DAPK1: variants seen among roughly 807,000 people sequenced by gnomAD.
DAPK1 encodes death associated protein kinase 1, also known as death-associated protein kinase 1.
DAPK1 carries 56 observed loss-of-function variants against 144.9 expected under a neutral mutation model. The ratio of observed to expected loss-of-function variants is 0.39; its 90% CI spans 0.31 to 0.48. The LOEUF (loss-of-function observed/expected upper bound fraction) is 0.48, where lower values mean the gene tolerates loss of function less well. Ranked by LOEUF, DAPK1 falls within the 20% of genes least tolerant of loss-of-function variation. The pLI is 0.95. For synonymous variants in DAPK1, 690 were observed against 749.0 expected, an observed-to-expected ratio of 0.92 and a Z score of 1.29; for missense variants, 1,454 against 1,875.4, an observed-to-expected ratio of 0.78 and a Z score of 4.15.
chr9:87,597,757 C>T (rs36206540), intron 2 of DAPK1, among the ~76,000 whole-genome samples: 4,203 of 152,162 alleles, frequency 0.028, 204 homozygotes, highest in African/African-American at 0.096. Context: ...TCTGACCTGA[C>T]GCCTCCCTGC....
chr9:87,657,521 T>C (rs1830669633), intron 17 of DAPK1: 1 of 165,844 alleles, frequency 6.0e-6, no homozygotes, highest in Non-Finnish European at 1.3e-5. Context: ...CAGAACCATG[T>C]TTCTTATCAA....
intron 2 of DAPK1, among the ~76,000 whole-genome samples, chr9:87,542,481 T>C (rs746002066): frequency 1.1e-4 from 16 of 152,340 alleles, no homozygotes; most frequent in Admixed American, 2.0e-4. Flanking sequence ...GTAACCAGCA[T>C]GCACATCATT....
chr9:87,600,562 C>T (rs1038001145), intron 2 of DAPK1, among the ~76,000 whole-genome samples: 1 of 152,122 alleles, frequency 6.6e-6, no homozygotes, highest in African/African-American at 2.4e-5. Context: ...CACCACACTA[C>T]AGCCTGCGCG....
At position 87,662,560 on chromosome 9, in the gene DAPK1, G is replaced by GTTTTTTTTTTTTT. The variant is rs71507734; in HGVS notation, c.1923+4446_1923+4458dup. Reference sequence around the variant, plus strand: ...ACCTCCTTGGTTAAATATATTCCTAGTTTTTTTTTTTTTTTTTTTTTTTTT... The same window carrying GTTTTTTTTTTTTT: ...ACCTCCTTGGTTAAATATATTCCTAGTTTTTTTTTTTTTTTTTTTTTTTTTTTTTTTTTTTTTT... On this transcript the variant is annotated intron_variant, in intron 18 of 25. Coordinates refer to ENST00000408954, the MANE Select transcript of DAPK1 (RefSeq NM_004938.4). Among the ~76,000 whole-genome samples the GTTTTTTTTTTTTT allele has an allele frequency of 8.1e-4, 26 of 32,128 alleles. 4 individuals carry two copies. Among genetic ancestry groups the GTTTTTTTTTTTTT allele is most frequent in the East Asian group, 3.7e-3 (4 of 1,080 alleles). The allele number at this position is 32,128 out of a possible 152,430, so 21.1% of individuals were successfully genotyped here. A position where few individuals can be genotyped will look rare whatever the true frequency, so the allele number is the denominator to read the frequency against.
chr9:87,540,683 A>G (rs1826019618), intron 2 of DAPK1, among the ~76,000 whole-genome samples: 1 of 152,236 alleles, frequency 6.6e-6, no homozygotes, highest in African/African-American at 2.4e-5. Context: ...CTGTGAAATC[A>G]GTCTGCCAAG....
At chr9:87,628,441 A>G (rs745530032) in intron 3 of DAPK1, among the ~76,000 whole-genome samples, 3 of 152,214 alleles carry the variant, frequency 2.0e-5, no homozygotes, top group Non-Finnish European at 4.4e-5. Context: ...CTCCGGTTCG[A>G]CAAATGCAGA....
At chr9:87,518,498 T>C (rs1312812654) in intron 2 of DAPK1, among the ~76,000 whole-genome samples, 1 of 152,094 alleles carries the variant, frequency 6.6e-6, no homozygotes, top group African/African-American at 2.4e-5. Context: ...ATCTCATTGA[T>C]GTCGGCCAGT....
intron 24 of DAPK1, chr9:87,701,899 G>A (rs775717100): frequency 1.7e-5 from 8 of 470,104 alleles, no homozygotes; most frequent in South Asian, 6.2e-5. Context: ...TCAGAAGATA[G>A]GGGGTAGTCC....
intron 2 of DAPK1, among the ~76,000 whole-genome samples, chr9:87,539,353 C>T (rs1825961671): frequency 1.3e-5 from 2 of 151,800 alleles, no homozygotes; most frequent in African/African-American, 4.8e-5. Flanking sequence ...CTTAAAGTTA[C>T]CCACATTTAA....
intron 2 of DAPK1, among the ~76,000 whole-genome samples, chr9:87,591,237 G>A (rs1467857156): frequency 6.6e-6 from 1 of 152,170 alleles, no homozygotes; most frequent in Non-Finnish European, 1.5e-5. Context: ...GAAATACACC[G>A]ATTGTCCCTT....
At chr9:87,615,875 G>C in intron 3 of DAPK1, among the ~76,000 whole-genome samples, 1 of 152,370 alleles carries the variant, frequency 6.6e-6, no homozygotes, top group South Asian at 2.1e-4. Context: ...TAGCCTCTTG[G>C]AGAGAGAATT....
chr9:87,663,590 G>C (rs1369683800), intron 18 of DAPK1, among the ~76,000 whole-genome samples: 1 of 152,050 alleles, frequency 6.6e-6, no homozygotes, highest in Non-Finnish European at 1.5e-5. Flanking sequence ...AAGTCCCCGC[G>C]TCCTGCTTCT....
In DAPK1 at chr9:87,508,311, C is replaced by T. The variant is rs555902419; in HGVS notation, c.62+9172C>T. Among the ~76,000 whole-genome samples, 155 of 151,622 alleles carry T rather than the reference C, an allele frequency of 1.0e-3. 1 individual carries two copies. Among genetic ancestry groups the T allele is most frequent in the African/African-American group, 3.5e-3 (144 of 41,272 alleles). On this transcript the variant is annotated intron_variant, in intron 2 of 25. Coordinates refer to ENST00000408954, the MANE Select transcript of DAPK1 (RefSeq NM_004938.4). ...ACAGGTGTGAGTCGCCGCACTGGTCCAACTTTTCCTTTTCACCTTAGAAAG... is the reference window on the plus strand; with the variant it reads ...ACAGGTGTGAGTCGCCGCACTGGTCTAACTTTTCCTTTTCACCTTAGAAAG...
intron 2 of DAPK1, among the ~76,000 whole-genome samples, chr9:87,522,770 G>T (rs565580885): frequency 9.2e-5 from 14 of 152,314 alleles, no homozygotes; most frequent in Non-Finnish European, 1.6e-4. Context: ...AAGCTGGCTG[G>T]CTTCTTTCGC....
chr9:87,500,976 T>G (rs1824367741), intron 2 of DAPK1, among the ~76,000 whole-genome samples: 2 of 152,170 alleles, frequency 1.3e-5, no homozygotes, highest in Admixed American at 1.3e-4. Flanking sequence ...GAGTGAATGA[T>G]TGTTTTTTGG....
Position 87,635,859 on chromosome 9 carries a change from G to A in DAPK1, c.285-2084G>A, listed in dbSNP as rs77240574. Among the ~76,000 whole-genome samples the A allele has an allele frequency of 4.1e-3, 625 of 152,270 alleles. 4 individuals carry two copies. Among genetic ancestry groups the A allele is most frequent in the African/African-American group, 0.014 (593 of 41,546 alleles). Reference sequence around the variant, plus strand: ...GCACTTGACTTCTCCACATCACGTGGCCACGGTGCCTGAGTCAGCCCAGTG... The same window carrying A: ...GCACTTGACTTCTCCACATCACGTGACCACGGTGCCTGAGTCAGCCCAGTG... On this transcript the variant is annotated intron_variant, in intron 3 of 25. Coordinates refer to ENST00000408954, the MANE Select transcript of DAPK1 (RefSeq NM_004938.4).
chr9:87,587,674 G>A (rs1827983343), intron 2 of DAPK1, among the ~76,000 whole-genome samples: 1 of 152,208 alleles, frequency 6.6e-6, no homozygotes, highest in Non-Finnish European at 1.5e-5. Flanking sequence ...CAATACTTCA[G>A]TATTTCATAA....
chr9:87,550,965 A>C (rs1826458654), intron 2 of DAPK1, among the ~76,000 whole-genome samples: 1 of 152,314 alleles, frequency 6.6e-6, no homozygotes, highest in South Asian at 2.1e-4. Flanking sequence ...GAGGGGGCTA[A>C]CCTGGGGACA....
At chr9:87,532,369 T>TC (rs1039019136) in intron 2 of DAPK1, among the ~76,000 whole-genome samples, 1 of 152,248 alleles carries the variant, frequency 6.6e-6, no homozygotes, top group Admixed American at 6.5e-5. Context: ...GTTTGGTCTC[T>TC]GGTTGCTTTT....
Sources: allele counts gnomAD v4.1 joint callset (sites outside exome capture counted in the v4.1 genomes callset), GRCh38; gene constraint gnomAD v4.1.1; transcripts MANE v1.5; gene names NCBI Gene and HGNC (gene_info 2026-07-23, HGNC 2026-07-21).